The following ALMS1 variants were observed in gnomAD, a reference collection of about 807,000 sequenced individuals.
The protein encoded by ALMS1 is centrosome-associated protein ALMS1.
A neutral mutation model predicts 352.2 loss-of-function variants in ALMS1; 271 were observed. The ratio of observed to expected loss-of-function variants is 0.77; its 90% CI spans 0.70 to 0.85. The LOEUF is 0.85. Among genes scored for constraint, ALMS1 ranks in the 40% least tolerant of loss-of-function variants. The pLI, the probability that ALMS1 is intolerant of heterozygous loss-of-function variation, is 0.00. For synonymous variants in ALMS1, 1,865 were observed against 1,761.2 expected (o/e 1.06, Z -1.48); for missense variants, 5,445 against 4,870.7 (o/e 1.12, Z -3.51).
At chr2:73,465,939 C>T (rs1481961663) in intron 9 of ALMS1, among the ~76,000 whole-genome samples, 1 of 152,132 alleles carries the variant, frequency 6.6e-6, no homozygotes, top group African/African-American at 2.4e-5. Context: ...AATGAGATAC[C>T]ATCTCACACC....
chr2:73,608,079 T>G (rs1675853093), intron 21 of ALMS1, among the ~76,000 whole-genome samples: 1 of 152,194 alleles, frequency 6.6e-6, no homozygotes, highest in African/African-American at 2.4e-5. Context: ...TGTGACCATT[T>G]TAGTACTTTT....
chr2:73,495,385 C>T (rs1558669339), intron 10 of ALMS1, among the ~76,000 whole-genome samples: 2 of 152,078 alleles, frequency 1.3e-5, no homozygotes, highest in African/African-American at 2.4e-5. Context: ...CAGGTCTGCA[C>T]CACCAAACCC....
At chr2:73,415,024 G>C (rs534926231) in intron 2 of ALMS1, among the ~76,000 whole-genome samples, 1 of 151,896 alleles carries the variant, frequency 6.6e-6, no homozygotes, top group Non-Finnish European at 1.5e-5. Flanking sequence ...TGGAATGTTC[G>C]CGGTCTCATC....
intron 21 of ALMS1, among the ~76,000 whole-genome samples, chr2:73,607,668 G>A (rs529938383): frequency 6.6e-6 from 1 of 151,930 alleles, no homozygotes; most frequent in East Asian, 1.9e-4. Flanking sequence ...TTGAGATGGA[G>A]TCTCACTTTA....
chr2:73,451,960 G>T lies in ALMS1; in HGVS notation c.5433G>T (p.Lys1811Asn), dbSNP rs78039319. ...VTSTSYSHRE[K>N]PIVSYQRELP... ...CTACTTCCTACTCACACAGAGAGAA[G>T]CCCATTGTTTCCTACCAGCGAGAGT... Residue 1811 changes from lysine to asparagine, a missense_variant, in exon 8 of 23, where the codon AAG becomes AAT. Transcript: ENST00000613296. The T allele has an allele frequency of 6.2e-7, 1 of 1,613,584 alleles. No homozygotes were observed. The highest frequency in any genetic ancestry group is 8.5e-7 in the Non-Finnish European group (1 of 1,179,732).
intron 7 of ALMS1, among the ~76,000 whole-genome samples, chr2:73,439,386 C>T (rs993092176): frequency 1.8e-4 from 27 of 151,946 alleles, no homozygotes; most frequent in Admixed American, 5.2e-4. Flanking sequence ...TCACAAAGTG[C>T]TGAGATTACA....
intron 7 of ALMS1, among the ~76,000 whole-genome samples, chr2:73,436,786 A>G (rs1671611985): frequency 6.6e-6 from 1 of 152,118 alleles, no homozygotes; most frequent in Non-Finnish European, 1.5e-5. Flanking sequence ...CATCATACCT[A>G]TCTTTAATTC....
chr2:73,465,414 C>T (rs1437955148), intron 9 of ALMS1, among the ~76,000 whole-genome samples: 1 of 152,030 alleles, frequency 6.6e-6, no homozygotes, highest in Admixed American at 6.6e-5. Context: ...ATAAATGGTG[C>T]TGGGAAAACT....
chr2:73,402,432 C>T (rs1670893052), intron 1 of ALMS1, among the ~76,000 whole-genome samples: 1 of 151,876 alleles, frequency 6.6e-6, no homozygotes, highest in Non-Finnish European at 1.5e-5. Context: ...CACTACCCTG[C>T]CTGGTTAATT....
chr2:73,456,499 T>G (rs1012318442), intron 9 of ALMS1, among the ~76,000 whole-genome samples: 31 of 152,334 alleles, frequency 2.0e-4, no homozygotes, highest in Admixed American at 2.6e-4. Context: ...AAATGCTTAG[T>G]AGAACGTGTG....
intron 9 of ALMS1, among the ~76,000 whole-genome samples, chr2:73,488,534 G>T (rs905909685): frequency 6.6e-6 from 1 of 152,112 alleles, no homozygotes; most frequent in Non-Finnish European, 1.5e-5. Context: ...TGCCCAGGAG[G>T]GTGGGGTTCC....
intron 13 of ALMS1, among the ~76,000 whole-genome samples, chr2:73,551,715 C>A (rs1160330466): frequency 6.6e-6 from 1 of 152,050 alleles, no homozygotes; most frequent in Non-Finnish European, 1.5e-5. Context: ...GGATTACAGG[C>A]ATGAGCCACC....
At chr2:73,583,633 C>A (rs1016614047) in intron 16 of ALMS1, among the ~76,000 whole-genome samples, 1 of 152,134 alleles carries the variant, frequency 6.6e-6, no homozygotes, top group African/African-American at 2.4e-5. Flanking sequence ...ACATTTAGGT[C>A]TTTAACCCAT....
chr2:73,410,124 A>G (rs1572905503), intron 2 of ALMS1, among the ~76,000 whole-genome samples: 1 of 152,054 alleles, frequency 6.6e-6, no homozygotes, highest in Non-Finnish European at 1.5e-5. Flanking sequence ...AACAGTGGCT[A>G]ACGCCTGTAA....
intron 6 of ALMS1, among the ~76,000 whole-genome samples, chr2:73,431,182 T>C (rs992148894): frequency 6.6e-6 from 1 of 152,190 alleles, no homozygotes; most frequent in African/African-American, 2.4e-5. Context: ...AAAAAATGTT[T>C]CCAGGCATTG....
intron 21 of ALMS1, among the ~76,000 whole-genome samples, chr2:73,604,360 T>C (rs1675768886): frequency 6.6e-6 from 1 of 152,208 alleles, no homozygotes; most frequent in South Asian, 2.1e-4. Context: ...ATCACACCAT[T>C]ACGCTCCGGC....
At chr2:73,588,278 C>G (rs1305063275) in intron 16 of ALMS1, among the ~76,000 whole-genome samples, 1 of 152,186 alleles carries the variant, frequency 6.6e-6, no homozygotes, top group African/African-American at 2.4e-5. Context: ...GCAGTCTCTG[C>G]AGTCCAGGCC....
intron 3 of ALMS1, among the ~76,000 whole-genome samples, chr2:73,421,719 A>T (rs1359801638): frequency 6.6e-6 from 1 of 152,136 alleles, no homozygotes; most frequent in Non-Finnish European, 1.5e-5. Flanking sequence ...GTGATGAATT[A>T]TATGGAAGGT....
Position 73,451,099 on chromosome 2 carries a change from A to T in ALMS1, c.4572A>T (p.Ser1524=). Residue 1524 remains serine (S), a synonymous_variant, in exon 8 of 23, where the codon TCA becomes TCT. Transcript: ENST00000613296. The part of the protein sequence containing the change: ...GAPTITSPSY[S]QHRAKSGSFY... ...CAACTATAACCTCTCCTTCCTACTC[A>T]CAACATAGAGCAAAGTCTGGCAGTT... 2 of 1,613,448 alleles carry T rather than the reference A, an allele frequency of 1.2e-6. No homozygotes were observed. The highest frequency in any genetic ancestry group is 8.5e-7 in the Non-Finnish European group (1 of 1,179,864).
Sources: gnomAD v4.1 joint callset for allele counts (sites outside exome capture counted in the v4.1 genomes callset) on GRCh38, gnomAD v4.1.1 for gene constraint, MANE v1.5 for transcripts, NCBI Gene and HGNC (gene_info 2026-07-23, HGNC 2026-07-21) for gene names.